Variants in HFM1 observed in about 807,000 individuals in gnomAD.
HFM1 encodes helicase for meiosis 1.
Under a neutral mutation model 192.1 loss-of-function variants are expected in HFM1, and 169 were observed. That is an observed-to-expected ratio of 0.88 (90% confidence interval 0.78 to 1.00). HFM1 has a LOEUF of 1.00. Ranked by LOEUF, HFM1 falls within the 50% of genes least tolerant of loss-of-function variation. The pLI is 0.00. For synonymous variants in HFM1, 525 were observed against 537.8 expected (o/e 0.98, Z 0.33); for missense variants, 1,661 against 1,668.0 (o/e 1.00, Z 0.07).
At chr1:91,404,351 G>A (rs752927070) in intron 1 of HFM1, among the ~76,000 whole-genome samples, 4 of 152,208 alleles carry the variant, frequency 2.6e-5, no homozygotes, top group Non-Finnish European at 5.9e-5. Flanking sequence ...GCGCTGGGGC[G>A]CGTCACTCCA....
At chr1:91,270,942 A>G (rs931165831) in intron 34 of HFM1, among the ~76,000 whole-genome samples, 1 of 152,116 alleles carries the variant, frequency 6.6e-6, no homozygotes, top group Non-Finnish European at 1.5e-5. Flanking sequence ...AGAAAGCAAG[A>G]GATAGAGGGT....
At chr1:91,325,160 A>C (rs1021845431) in intron 20 of HFM1, among the ~76,000 whole-genome samples, 2 of 152,132 alleles carry the variant, frequency 1.3e-5, no homozygotes, top group Non-Finnish European at 1.5e-5. Flanking sequence ...CATTCACTAT[A>C]AGCTGACAGA....
intron 38 of HFM1, 67 bp downstream of exon 38, chr1:91,262,174 A>C (rs1665221931): frequency 2.9e-6 from 2 of 691,050 alleles, no homozygotes; most frequent in East Asian, 5.7e-5. Flanking sequence ...GGAAAACGGA[A>C]GGCTGAATTT....
At chr1:91,328,264 A>C (rs770471461) in intron 20 of HFM1, 77 of 722,290 alleles carry the variant, frequency 1.1e-4, no homozygotes, top group Non-Finnish European at 1.5e-4. Flanking sequence ...GGCGACCCGC[A>C]GCTAAGCTGA....
At chr1:91,347,574 T>C in intron 18 of HFM1, 98 bp from the exon 19 acceptor site, 3 of 614,334 alleles carry the variant, frequency 4.9e-6, no homozygotes, top group Non-Finnish European at 5.4e-6. Flanking sequence ...TGAAATCTTA[T>C]ATAAGAAAAA....
rs1051937552 is a variant in HFM1 at position 91,314,016 on chromosome 1, G to A, written c.3185C>T (p.Ala1062Val). Residue 1062 changes from alanine to valine, a missense_variant, in exon 29 of 39, where the codon GCT becomes GTT. Ala to Val is a moderately conservative substitution (Grantham distance 64). Transcript: ENST00000370425. ...LKAGSWAKKI[A>V]VKRALKSEDL... ...TTCAGATTTAAGAGCTCTTTTCACA[G>A]CAATCTTTTTAGCCCAACTTCCAGC... is the stretch of plus-strand genomic sequence containing the variant. The A allele has an allele frequency of 1.2e-6, 2 of 1,610,638 alleles. No homozygotes were observed. The highest frequency in any genetic ancestry group is 1.7e-6 in the Non-Finnish European group (2 of 1,177,936).
At chr1:91,300,582 C>A (rs937346414) in intron 30 of HFM1, among the ~76,000 whole-genome samples, 1 of 152,132 alleles carries the variant, frequency 6.6e-6, no homozygotes, top group African/African-American at 2.4e-5. Flanking sequence ...AAAGCTTATC[C>A]ACCATGATCA....
chr1:91,340,300 G>T (rs1013140868), intron 20 of HFM1, among the ~76,000 whole-genome samples: 1 of 152,140 alleles, frequency 6.6e-6, no homozygotes, highest in South Asian at 2.1e-4. Flanking sequence ...ACAAGCCACT[G>T]TGCCCAGCCT....
rs1665687824 is a variant in HFM1, at chr1:91,265,582, GACTTTGTGCTGTGGCCACACATACCAC to G, written c.3974+408_3974+434del. On this transcript the variant is annotated intron_variant, in intron 36 of 38. Transcript: ENST00000370425. ...CCCTTACAATAAGACTTCAGCAACA[GACTTTGTGCTGTGGCCACACATACCAC>G]ACTTTACTGATCTTTGAGCACGGGA... Among the ~76,000 whole-genome samples, 17 of 152,304 alleles carry G rather than the reference GACTTTGTGCTGTGGCCACACATACCAC, an allele frequency of 1.1e-4. 1 individual carries two copies. The highest frequency in any genetic ancestry group is 1.1e-3 in the Admixed American group (17 of 15,294).
intron 30 of HFM1, among the ~76,000 whole-genome samples, chr1:91,310,519 G>A (rs1650284225): frequency 1.3e-5 from 2 of 152,182 alleles, no homozygotes; most frequent in South Asian, 4.1e-4. Context: ...TATAACAATG[G>A]CATAAGTATG....
Position 91,329,910 on chromosome 1 carries a change from G to A in HFM1, c.2336-5144C>T, listed in dbSNP as rs141942083. ...CTGGTGGCCAGTGGGAGGTGATGGTGGACCTAGACTGCTTTTCTGTCTTGT... is the reference window on the plus strand; with the variant it reads ...CTGGTGGCCAGTGGGAGGTGATGGTAGACCTAGACTGCTTTTCTGTCTTGT... On this transcript the variant is annotated intron_variant, in intron 20 of 38. Transcript: ENST00000370425. Among the ~76,000 whole-genome samples the A allele has an allele frequency of 7.2e-3, 1,091 of 152,298 alleles. 19 individuals carry two copies. Among genetic ancestry groups the A allele is most frequent in the African/African-American group, 0.025 (1,024 of 41,554 alleles).
intron 13 of HFM1, among the ~76,000 whole-genome samples, chr1:91,358,039 T>C (rs1288436115): frequency 1.3e-5 from 2 of 152,146 alleles, no homozygotes; most frequent in African/African-American, 4.8e-5. Context: ...ACAGATTCAA[T>C]ACAATCCCTA....
chr1:91,352,417 T>A, intron 16 of HFM1, 89 bp downstream of exon 16: 1 of 979,076 alleles, frequency 1.0e-6, no homozygotes, highest in Non-Finnish European at 1.5e-6. Context: ...TTAAGCCTGA[T>A]ACAATTATGA....
At chr1:91,306,205 T>C (rs939734840) in intron 30 of HFM1, among the ~76,000 whole-genome samples, 5 of 151,918 alleles carry the variant, frequency 3.3e-5, no homozygotes, top group Non-Finnish European at 7.4e-5. Context: ...TGGTGGTGCA[T>C]GCCTGTAATC....
rs750796433 is a variant in HFM1 at position 91,316,420 on chromosome 1, C to A, written c.2869G>T (p.Glu957Ter). 1 of 1,578,576 alleles carries A rather than the reference C, an allele frequency of 6.3e-7. No individual in the cohort carries two copies. Residue 957 changes from glutamate (E) to a stop codon, truncating the protein, a stop_gained, in exon 26 of 39, where the codon GAA becomes TAA. Coordinates refer to ENST00000370425, the MANE Select transcript of HFM1 (RefSeq NM_001017975.6). LOFTEE classifies it high-confidence loss of function. ...TCAAGTTCCCTTGCATCTGTCTCTTCTATTTTTTTAAAGGAAGTCAAACCA... is the reference window on the plus strand; with the variant it reads ...TCAAGTTCCCTTGCATCTGTCTCTTATATTTTTTTAAAGGAAGTCAAACCA... ...NAGLTSFKKIEETDARELELI... is the reference protein window; with the variant it reads ...NAGLTSFKKI
chr1:91,320,607 C>T (rs1037711763), intron 23 of HFM1, among the ~76,000 whole-genome samples: 1 of 152,110 alleles, frequency 6.6e-6, no homozygotes, highest in African/African-American at 2.4e-5. Flanking sequence ...ATAAATAGGA[C>T]ACTTTTCAAC....
At chr1:91,393,478 A>G (rs1663257542) in intron 4 of HFM1, among the ~76,000 whole-genome samples, 1 of 152,152 alleles carries the variant, frequency 6.6e-6, no homozygotes. Flanking sequence ...AAATCAAAAA[A>G]GGGCACTACC....
At chr1:91,293,149 G>A (rs1291851648) in intron 30 of HFM1, among the ~76,000 whole-genome samples, 2 of 152,064 alleles carry the variant, frequency 1.3e-5, no homozygotes, top group Admixed American at 6.6e-5. Flanking sequence ...ATGGGCAAGG[G>A]CTTCATGTCT....
chr1:91,368,377 C>A (rs567795580), intron 13 of HFM1, among the ~76,000 whole-genome samples: 1 of 152,108 alleles, frequency 6.6e-6, no homozygotes, highest in African/African-American at 2.4e-5. Flanking sequence ...AAGGGAAACC[C>A]AACAGACTAA....
Sources: allele counts gnomAD v4.1 joint callset (sites outside exome capture counted in the v4.1 genomes callset), GRCh38; gene constraint gnomAD v4.1.1; transcripts MANE v1.5; gene names NCBI Gene and HGNC (gene_info 2026-07-23, HGNC 2026-07-21).